ABI3BP: variants seen among roughly 807,000 people sequenced by gnomAD.
ABI3BP encodes target of Nesh-SH3.
In ABI3BP, 216 loss-of-function variants were observed where a neutral mutation model predicts 268.6. The observed-to-expected ratio is 0.80, with a 90% confidence interval of 0.72 to 0.90. The LOEUF (loss-of-function observed/expected upper bound fraction) is 0.90, where lower values mean the gene tolerates loss of function less well. ABI3BP is among the 40% of genes least tolerant of loss of function. ABI3BP has a pLI of 0.00. For synonymous variants in ABI3BP, 730 were observed against 730.0 expected, an observed-to-expected ratio of 1.00 and a Z score of 0.00; for missense variants, 2,090 against 2,182.4, an observed-to-expected ratio of 0.96 and a Z score of 0.84.
chr3:100,836,382 G>A (rs542801776), intron 27 of ABI3BP, among the ~76,000 whole-genome samples: 3 of 152,000 alleles, frequency 2.0e-5, no homozygotes, highest in Non-Finnish European at 4.4e-5. Flanking sequence ...AAACCCAGAA[G>A]GCTAAATGTA....
In ABI3BP at chr3:100,839,554, A is replaced by C. The variant is rs1382095454; in HGVS notation, c.1945+15T>G. ...CAACCCGTGAAAGCAGCCGTGGTGG[A>C]GGGAGTAGAATTACCAGTTGTGGGC... On this transcript the variant is annotated intron_variant, in intron 24 of 67. Transcript: ENST00000471714. 6.5e-7 allele frequency: 1 copy of C among 1,535,602 alleles called. No individual in the cohort carries two copies. Among genetic ancestry groups the C allele is most frequent in the Admixed American group, 2.0e-5 (1 of 50,960 alleles).
chr3:100,763,196 C>T (rs955473884), intron 63 of ABI3BP, among the ~76,000 whole-genome samples: 8 of 152,092 alleles, frequency 5.3e-5, no homozygotes, highest in African/African-American at 1.9e-4. Flanking sequence ...CGTGGTGGCT[C>T]ACACCTGTAA....
At chr3:100,907,339 C>G (rs1273737641) in intron 2 of ABI3BP, among the ~76,000 whole-genome samples, 1 of 152,020 alleles carries the variant, frequency 6.6e-6, no homozygotes, top group East Asian at 1.9e-4. Flanking sequence ...ACAAAAAAGA[C>G]AAAAATTATC....
chr3:100,890,845 C>T (rs1028831116), intron 4 of ABI3BP, among the ~76,000 whole-genome samples: 1 of 152,118 alleles, frequency 6.6e-6, no homozygotes, highest in Non-Finnish European at 1.5e-5. Context: ...CCCCTCATGT[C>T]CAATCAGTTG....
At chr3:100,887,987 G>A (rs1413706733) in intron 4 of ABI3BP, among the ~76,000 whole-genome samples, 11 of 152,040 alleles carry the variant, frequency 7.2e-5, no homozygotes, top group Non-Finnish European at 1.5e-4. Flanking sequence ...TGGGGGTCTG[G>A]TGCACAGGTA....
intron 50 of ABI3BP, among the ~76,000 whole-genome samples, chr3:100,807,082 T>C (rs1274459260): frequency 1.3e-5 from 2 of 152,020 alleles, no homozygotes; most frequent in Non-Finnish European, 2.9e-5. Flanking sequence ...CAAGTTTTCA[T>C]GGTTTCTTCT....
chr3:100,828,519 C>G (rs561346759), intron 33 of ABI3BP, 67 bp from the exon 34 acceptor site: 22 of 1,393,430 alleles, frequency 1.6e-5, no homozygotes, highest in Non-Finnish European at 2.0e-5. Flanking sequence ...TCAGAACATT[C>G]AAAAAGAATT....
intron 6 of ABI3BP, among the ~76,000 whole-genome samples, chr3:100,878,250 A>G (rs890108459): frequency 2.0e-5 from 3 of 152,210 alleles, no homozygotes; most frequent in Non-Finnish European, 4.4e-5. Context: ...ACAAATTTGC[A>G]TCCACAGTAT....
At chr3:100,751,230 A>G (rs2095305563) in intron 67 of ABI3BP, among the ~76,000 whole-genome samples, 1 of 152,192 alleles carries the variant, frequency 6.6e-6, no homozygotes, top group Non-Finnish European at 1.5e-5. Flanking sequence ...TTAAGGAAAT[A>G]AAAATAACGC....
intron 6 of ABI3BP, among the ~76,000 whole-genome samples, chr3:100,878,834 C>G (rs1816567): frequency 0.69 from 105,341 of 152,030 alleles, 37,516 homozygotes; most frequent in Non-Finnish European, 0.78. Context: ...TCTAACTCCT[C>G]TGAGAATTTT....
intron 1 of ABI3BP, among the ~76,000 whole-genome samples, chr3:100,989,776 C>T (rs1289952311): frequency 6.6e-6 from 1 of 152,174 alleles, no homozygotes; most frequent in African/African-American, 2.4e-5. Flanking sequence ...ATATTGTTCT[C>T]ACTGGTTTTT....
intron 27 of ABI3BP, 80 bp from the exon 28 acceptor site, chr3:100,835,740 A>G (rs2098570705): frequency 2.6e-6 from 3 of 1,156,906 alleles, no homozygotes; most frequent in Non-Finnish European, 3.7e-6. Flanking sequence ...AATCTTCTTA[A>G]CCCTTTAATG....
chr3:100,830,816 T>A (rs2098478692), intron 31 of ABI3BP, among the ~76,000 whole-genome samples, 182 bp from the exon 32 acceptor site: 1 of 152,142 alleles, frequency 6.6e-6, no homozygotes, highest in Non-Finnish European at 1.5e-5. Flanking sequence ...AATCAGGTAC[T>A]CGTTTGACTC....
intron 13 of ABI3BP, 134 bp downstream of exon 13, chr3:100,862,704 A>C (rs1212075616): frequency 3.0e-6 from 2 of 660,174 alleles, no homozygotes; most frequent in African/African-American, 3.7e-5. Context: ...ATTAAAAAAA[A>C]ATCAAATCAA....
intron 63 of ABI3BP, among the ~76,000 whole-genome samples, chr3:100,759,388 T>C (rs973546290): frequency 6.6e-6 from 1 of 152,102 alleles, no homozygotes; most frequent in Admixed American, 6.5e-5. Flanking sequence ...ACCTGCCACA[T>C]GTAAAGTTAT....
chr3:100,757,280 C>G (rs952495115), intron 63 of ABI3BP, among the ~76,000 whole-genome samples: 7 of 151,426 alleles, frequency 4.6e-5, no homozygotes, highest in Admixed American at 2.6e-4. Flanking sequence ...ACAAGAGTTT[C>G]CAGATTGAAA....
chr3:100,770,633 CT>C, intron 62 of ABI3BP, 109 bp downstream of exon 62: 1 of 1,069,250 alleles, frequency 9.4e-7, no homozygotes, highest in South Asian at 3.1e-5. Context: ...CTAGTTTTGT[CT>C]CCTCCCCAGG....
In ABI3BP at chr3:100,841,981, A is replaced by G. The variant is rs1393619117; in HGVS notation, c.1765+17T>C. ...TAAAGATACTTTGTTTTCACTCATT[A>G]AAAAAAGCTTTATTACCTATTGTTG... On this transcript the variant is annotated intron_variant, in intron 21 of 67. Coordinates refer to ENST00000471714, the MANE Select transcript of ABI3BP (RefSeq NM_001375547.2). 3.3e-6 allele frequency: 5 copies of G among 1,522,504 alleles called. No homozygotes were observed. The South Asian group carries it at 4.8e-5, about 15-fold the overall frequency. 94.3% of individuals were successfully genotyped at this position (1,522,504 alleles called of 1,614,324 possible). A position where few individuals can be genotyped will look rare whatever the true frequency, so the allele number is the denominator to read the frequency against.
At chr3:100,804,954 G>A (rs538552746) in intron 50 of ABI3BP, 88 bp from the exon 51 acceptor site, 1 of 1,057,634 alleles carries the variant, frequency 9.5e-7, no homozygotes, top group Admixed American at 1.7e-5. Flanking sequence ...GGTGTAGCCT[G>A]AACACTGATA....
Sources: gnomAD v4.1 joint callset for allele counts (sites outside exome capture counted in the v4.1 genomes callset) on GRCh38, gnomAD v4.1.1 for gene constraint, MANE v1.5 for transcripts, NCBI Gene and HGNC (gene_info 2026-07-23, HGNC 2026-07-21) for gene names.